SAG: variants seen among roughly 807,000 people sequenced by gnomAD.
SAG encodes the protein S-antigen visual arrestin, also known as S-arrestin.
A neutral mutation model predicts 55.0 loss-of-function variants in SAG; 45 were observed. The observed-to-expected ratio is 0.82, with a 90% CI of 0.64 to 1.05. The LOEUF is 1.05. Ranked by LOEUF, SAG falls within the 50% of genes least tolerant of loss-of-function variation. The probability of loss-of-function intolerance (pLI) is 0.00; values close to 1 mark genes in which losing one functional copy is unlikely to be tolerated. For synonymous variants in SAG, 189 were observed against 197.4 expected, an observed-to-expected ratio of 0.96 and a Z score of 0.36; for missense variants, 455 against 512.1, an observed-to-expected ratio of 0.89 and a Z score of 1.08.
intron 2 of SAG, among the ~76,000 whole-genome samples, chr2:233,312,770 G>T (rs1700111417): frequency 6.6e-6 from 1 of 152,152 alleles, no homozygotes; most frequent in South Asian, 2.1e-4. Context: ...CTGTCCTCTG[G>T]CTATGCCATT....
chr2:233,323,049 T>C, intron 6 of SAG, 44 bp downstream of exon 6: 1 of 1,182,706 alleles, frequency 8.5e-7, no homozygotes, highest in Non-Finnish European at 1.2e-6. Context: ...ATTTGTTCAT[T>C]CCTTCAATAG....
At chr2:233,313,573 C>G (rs1011613807) in intron 2 of SAG, among the ~76,000 whole-genome samples, 7 of 151,688 alleles carry the variant, frequency 4.6e-5, no homozygotes, top group African/African-American at 7.3e-5. Flanking sequence ...CTCTTTACCC[C>G]CTTTGTGGGA....
At position 233,318,628 on chromosome 2, in the gene SAG, T is replaced by A. The variant is rs570091231; in HGVS notation, c.137-123T>A. 4.5e-5 allele frequency: 39 copies of A among 861,408 alleles called. No individual in the cohort carries two copies. In the Admixed American group the frequency reaches 7.2e-4, roughly 16 times the overall value. The allele number at this position is 861,408 out of a possible 1,614,324, so 53.4% of individuals were successfully genotyped here. On this transcript the variant is annotated intron_variant, in intron 3 of 15. Transcript: ENST00000409110. ...GACTTTTTTCCCTTTGCCTGACTTT[T>A]CTTTCTTTCTTATAATGAACATGGA... is the stretch of plus-strand genomic sequence containing the variant.
intron 11 of SAG, 61 bp downstream of exon 11, chr2:233,335,160 C>T (rs560212009): frequency 1.2e-5 from 19 of 1,564,874 alleles, no homozygotes; most frequent in East Asian, 2.3e-5. Context: ...GGTCTGCTTC[C>T]CTTCACATCA....
intron 14 of SAG, chr2:233,345,438 G>C (rs1328091282): frequency 6.6e-6 from 1 of 152,272 alleles, no homozygotes; most frequent in Non-Finnish European, 1.5e-5. Flanking sequence ...CGAGGACATG[G>C]AAGGAGAAAT....
chr2:233,322,966 T>A lies in SAG; in HGVS notation c.396T>A (p.Cys132Ter), dbSNP rs1700432965. The A allele has an allele frequency of 1.3e-6, 2 of 1,575,912 alleles. No homozygotes were observed. Among genetic ancestry groups the A allele is most frequent in the South Asian group, 1.2e-5 (1 of 85,494 alleles). The change falls in exon 6 of 16, where the codon TGT becomes TGA. Residue 132 changes from cysteine (C) to a stop codon, truncating the protein, a stop_gained. Coordinates refer to ENST00000409110, the MANE Select transcript of SAG (RefSeq NM_000541.5). LOFTEE classifies it high-confidence loss of function. Reference protein sequence around the residue: ...FLLTFPDYLPCSVMLQPAPQD... With the variant: ...FLLTFPDYLP ...CACAGTTTCCTGACTACTTGCCCTGTTCAGTGATGTTGCAGCCAGCTCCAC... is the reference window on the plus strand; with the variant it reads ...CACAGTTTCCTGACTACTTGCCCTGATCAGTGATGTTGCAGCCAGCTCCAC...
At position 233,342,327 on chromosome 2, in the gene SAG, G is replaced by A. The variant is rs776147345; in HGVS notation, c.1102+1G>A. ...ATGCACCCTCAGCCTGAGGACCCAG[G>A]TCAGTTATGTCCTTTTTTAGCTTTC... On this transcript the variant is annotated splice_donor_variant, in intron 14 of 15. Coordinates refer to ENST00000409110, the MANE Select transcript of SAG (RefSeq NM_000541.5). LOFTEE classifies it high-confidence loss of function. The A allele has an allele frequency of 6.2e-7, 1 of 1,602,850 alleles. No homozygotes were observed. The highest frequency in any genetic ancestry group is 2.2e-5 in the East Asian group (1 of 44,722).
intron 5 of SAG, among the ~76,000 whole-genome samples, chr2:233,321,878 G>A (rs1049115338): frequency 6.6e-6 from 1 of 152,036 alleles, no homozygotes; most frequent in African/African-American, 2.4e-5. Context: ...TAACCTTTTA[G>A]AGACAATATG....
rs1438658992 is a variant in SAG, at chr2:233,319,149, C to A, written c.181+354C>A. 6.8e-6 allele frequency: 3 copies of A among 440,240 alleles called. No individual in the cohort carries two copies. The highest frequency in any genetic ancestry group is 6.0e-5 in the African/African-American group (3 of 50,016). 27.3% of individuals were successfully genotyped at this position (440,240 alleles called of 1,614,324 possible). A position where few individuals can be genotyped will look rare whatever the true frequency, so the allele number is the denominator to read the frequency against. On this transcript the variant is annotated intron_variant, in intron 4 of 15. Transcript: ENST00000409110. This position sits in a 1 kb window ranked among gnomAD's most constrained non-coding sequence, Gnocchi z 4.4. ...GAGGGTGCCTGGGGTGCCTAGGACT[C>A]AGGAGGACACAAGACCTTGAATGAA...
At chr2:233,320,929 C>T in intron 5 of SAG, 106 bp downstream of exon 5, 3 of 931,906 alleles carry the variant, frequency 3.2e-6, no homozygotes, top group Non-Finnish European at 4.7e-6. Context: ...ATCTGCAGGC[C>T]TGGAAATTGC....
chr2:233,330,918 T>A (rs993089287), intron 9 of SAG, among the ~76,000 whole-genome samples: 1 of 151,928 alleles, frequency 6.6e-6, no homozygotes, highest in African/African-American at 2.4e-5. Flanking sequence ...TGTTTCTTTA[T>A]CCTCAAACTT....
rs531041701 is a variant in SAG at position 233,320,717 on chromosome 2, C to T, written c.269C>T (p.Ser90Phe). 1 of 1,605,446 alleles carries T rather than the reference C, an allele frequency of 6.2e-7. No homozygotes were observed. Among genetic ancestry groups the T allele is most frequent in the African/African-American group, 1.3e-5 (1 of 74,728 alleles). The change falls in exon 5 of 16, where the codon TCC becomes TTC. Residue 90 changes from serine (S) to phenylalanine (F), a missense_variant. Ser to Phe is a radical substitution (Grantham distance 155). Coordinates refer to ENST00000409110, the MANE Select transcript of SAG (RefSeq NM_000541.5). ...GLTFRRDLYFSRVQVYPPVGA... is the reference protein window; with the variant it reads ...GLTFRRDLYFFRVQVYPPVGA... ...ACCTTCCGCAGGGACCTGTACTTCT[C>T]CCGGGTCCAGGTGTATCCTCCTGTG...
At chr2:233,334,802 T>C in intron 10 of SAG, 160 bp from the exon 11 acceptor site, 1 of 737,454 alleles carries the variant, frequency 1.4e-6, no homozygotes, top group Admixed American at 2.6e-5. Flanking sequence ...CAAGCACTGT[T>C]CTGCTTCTCG....
intron 11 of SAG, among the ~76,000 whole-genome samples, chr2:233,336,721 G>T (rs1333212332): frequency 6.6e-6 from 1 of 152,138 alleles, no homozygotes; most frequent in East Asian, 1.9e-4. Context: ...GATGCCAGGG[G>T]TTCTGACTTG....
At chr2:233,309,295 G>C in intron 2 of SAG, 31 bp downstream of exon 2, 1 of 1,574,430 alleles carries the variant, frequency 6.4e-7, no homozygotes, top group Non-Finnish European at 8.7e-7. Context: ...TGATTTGATA[G>C]AAATTATTGT....
intron 14 of SAG, 177 bp downstream of exon 14, chr2:233,342,503 C>T (rs533905606): frequency 8.0e-6 from 5 of 626,282 alleles, no homozygotes; most frequent in South Asian, 7.5e-5. Context: ...ATCTGTTCAG[C>T]GCTGAGCCGG....
At chr2:233,334,057 G>T (rs970996393) in intron 10 of SAG, 1 of 152,310 alleles carries the variant, frequency 6.6e-6, no homozygotes, top group Non-Finnish European at 1.5e-5. Flanking sequence ...GCACAGGATG[G>T]AGGGTGTGCT....
chr2:233,322,286 C>T (rs77969498), intron 5 of SAG, among the ~76,000 whole-genome samples: 1 of 150,858 alleles, frequency 6.6e-6, no homozygotes, highest in South Asian at 2.1e-4. Flanking sequence ...TTTGTAATGG[C>T]AAAAAAGTAA....
intron 13 of SAG, among the ~76,000 whole-genome samples, chr2:233,341,217 C>A (rs1701091059): frequency 6.6e-6 from 1 of 152,180 alleles, no homozygotes; most frequent in South Asian, 2.1e-4. Context: ...GATCTTGGCT[C>A]AGTGCAACCT....
Sources: gnomAD v4.1 joint callset for allele counts (sites outside exome capture counted in the v4.1 genomes callset) on GRCh38, gnomAD v4.1.1 for gene constraint, Gnocchi (gnomAD v3.1) non-coding constraint, MANE v1.5 for transcripts, NCBI Gene and HGNC (gene_info 2026-07-23, HGNC 2026-07-21) for gene names.